Variants in LHFPL3 observed in about 807,000 individuals in gnomAD.
LHFPL3 encodes LHFPL tetraspan subfamily member 3 protein.
LHFPL3 carries 5 observed loss-of-function variants against 19.3 expected under a neutral mutation model. The ratio of observed to expected loss-of-function variants is 0.26; its 90% CI spans 0.14 to 0.54. LHFPL3 has a LOEUF of 0.54. Ranked by LOEUF, LHFPL3 falls within the 20% of genes least tolerant of loss-of-function variation. LHFPL3 has a pLI of 0.94. For missense variants in LHFPL3, 249 were observed against 307.4 expected, an observed-to-expected ratio of 0.81 and a Z score of 1.42; for synonymous variants, 133 against 126.2, an observed-to-expected ratio of 1.05 and a Z score of -0.36.
At chr7:104,415,124 G>A (rs1321019157) in intron 1 of LHFPL3, among the ~76,000 whole-genome samples, 1 of 152,120 alleles carries the variant, frequency 6.6e-6, no homozygotes, top group Non-Finnish European at 1.5e-5. Flanking sequence ...CCAAGAAATT[G>A]GAAATAGAAA....
At chr7:104,550,405 G>A (rs1794644316) in intron 1 of LHFPL3, among the ~76,000 whole-genome samples, 1 of 152,098 alleles carries the variant, frequency 6.6e-6, no homozygotes, top group African/African-American at 2.4e-5. Context: ...ATGATTGGAG[G>A]AAATGACAGT....
intron 2 of LHFPL3, among the ~76,000 whole-genome samples, chr7:104,742,959 A>G (rs982419912): frequency 2.0e-5 from 3 of 152,036 alleles, no homozygotes; most frequent in Non-Finnish European, 4.4e-5. Flanking sequence ...TCTATTAAAA[A>G]TACAAAAAAA....
chr7:104,737,038 G>A (rs986788217), intron 2 of LHFPL3, 127 bp downstream of exon 2: 2 of 669,384 alleles, frequency 3.0e-6, no homozygotes, highest in Non-Finnish European at 5.1e-6. Context: ...TTAATACCGT[G>A]TAGCTTGCAG....
At chr7:104,789,956 A>G (rs1278697198) in intron 2 of LHFPL3, among the ~76,000 whole-genome samples, 2 of 152,188 alleles carry the variant, frequency 1.3e-5, no homozygotes, top group African/African-American at 4.8e-5. Flanking sequence ...CTAAATTAAC[A>G]TTATGTATTG....
At chr7:104,667,240 C>T (rs1008680515) in intron 1 of LHFPL3, among the ~76,000 whole-genome samples, 1 of 145,764 alleles carries the variant, frequency 6.9e-6, no homozygotes, top group African/African-American at 2.6e-5. Flanking sequence ...ATTATATATC[C>T]CCTCCTACAA....
chr7:104,371,204 G>A (rs1790607244), intron 1 of LHFPL3, among the ~76,000 whole-genome samples: 1 of 152,046 alleles, frequency 6.6e-6, no homozygotes, highest in Non-Finnish European at 1.5e-5. Flanking sequence ...GGTTGCTCCA[G>A]TCTTCAAAAG....
chr7:104,382,016 G>A (rs1316947303), intron 1 of LHFPL3, among the ~76,000 whole-genome samples: 1 of 152,114 alleles, frequency 6.6e-6, no homozygotes, highest in African/African-American at 2.4e-5. Flanking sequence ...CCTTCCCTCT[G>A]TGTGCCCTTA....
chr7:104,602,784 G>A (rs1182974660), intron 1 of LHFPL3, among the ~76,000 whole-genome samples: 2 of 152,180 alleles, frequency 1.3e-5, no homozygotes, highest in African/African-American at 4.8e-5. Flanking sequence ...GAGGCTGAAA[G>A]TCCAAGAGCA....
chr7:104,678,217 T>G (rs922869732), intron 1 of LHFPL3, among the ~76,000 whole-genome samples: 7 of 152,192 alleles, frequency 4.6e-5, no homozygotes, highest in Non-Finnish European at 1.0e-4. Flanking sequence ...TATATTTGGT[T>G]GTTGTTATAA....
intron 2 of LHFPL3, among the ~76,000 whole-genome samples, chr7:104,762,186 T>C (rs1484344944): frequency 6.6e-6 from 1 of 151,988 alleles, no homozygotes; most frequent in Non-Finnish European, 1.5e-5. Flanking sequence ...GAGACAAAGA[T>C]ATTTGCTGGA....
chr7:104,331,949 CAA>C (rs376546691), intron 1 of LHFPL3, among the ~76,000 whole-genome samples: 5 of 131,430 alleles, frequency 3.8e-5, no homozygotes, highest in Admixed American at 7.7e-5. Flanking sequence ...GACCCCATCT[CAA>C]AAAAAAAAAA....
chr7:104,682,524 GCTGTTCCTTACTCCTTTCCCCAACTC>G (rs1792724593), intron 1 of LHFPL3, among the ~76,000 whole-genome samples: 1 of 152,184 alleles, frequency 6.6e-6, no homozygotes, highest in South Asian at 2.1e-4. Context: ...TCAATGAAAT[GCTGTTCCTTACTCCTTTCCCCAACTC>G]CTACAATAAT....
chr7:104,849,741 T>G (rs1181683573), intron 2 of LHFPL3, among the ~76,000 whole-genome samples: 3 of 152,254 alleles, frequency 2.0e-5, no homozygotes, highest in Non-Finnish European at 4.4e-5. Context: ...AGGGCCTCTC[T>G]GTCTAGATTC....
chr7:104,625,914 A>T (rs570163927), intron 1 of LHFPL3, among the ~76,000 whole-genome samples: 3 of 152,212 alleles, frequency 2.0e-5, no homozygotes, highest in Non-Finnish European at 2.9e-5. Context: ...AACTTCTTCA[A>T]AGTTTCCAAA....
rs57659252 is a variant in LHFPL3 at position 104,464,274 on chromosome 7, G to A, written c.445+135050G>A. 7.6e-3 allele frequency among the ~76,000 whole-genome samples: 1,163 copies of A among 152,308 alleles called. 53 individuals carry two copies. In the East Asian group the frequency reaches 0.13, roughly 17 times the overall value. On this transcript the variant is annotated intron_variant, in intron 1 of 2. Coordinates refer to ENST00000424859, the MANE Select transcript of LHFPL3 (RefSeq NM_199000.3). The stretch of plus-strand genomic sequence containing the variant: ...CAGCTCTGCCCCTGTGTCTTTGCAG[G>A]GTACAGCCCCCTTCCTGGCTGTTTT...
intron 1 of LHFPL3, among the ~76,000 whole-genome samples, chr7:104,454,541 C>T (rs1397067593): frequency 7.2e-5 from 11 of 152,284 alleles, no homozygotes; most frequent in African/African-American, 1.4e-4. Context: ...CCCTGAGGCA[C>T]ACAGGCCCAG....
chr7:104,784,014 G>A (rs1403843207), intron 2 of LHFPL3, among the ~76,000 whole-genome samples: 2 of 152,210 alleles, frequency 1.3e-5, no homozygotes, highest in African/African-American at 4.8e-5. Flanking sequence ...CCAAGCTGAG[G>A]ATGAGAGGCT....
chr7:104,372,995 T>TCCAAAAAAAAA (rs1790642621), intron 1 of LHFPL3, among the ~76,000 whole-genome samples: 1 of 28,684 alleles, frequency 3.5e-5, no homozygotes. Flanking sequence ...AGAGCTTCTT[T>TCCAAAAAAAAA]ACAAAAAAAA....
At chr7:104,862,550 C>T (rs898960749) in intron 2 of LHFPL3, among the ~76,000 whole-genome samples, 4 of 152,188 alleles carry the variant, frequency 2.6e-5, no homozygotes, top group African/African-American at 7.2e-5. Flanking sequence ...AGCAGCACAT[C>T]CTCAAGGCAA....
Sources: gnomAD v4.1 joint callset for allele counts (sites outside exome capture counted in the v4.1 genomes callset) on GRCh38, gnomAD v4.1.1 for gene constraint, MANE v1.5 for transcripts, NCBI Gene and HGNC (gene_info 2026-07-23, HGNC 2026-07-21) for gene names.